RORC: variants seen among roughly 807,000 people sequenced by gnomAD.
RORC encodes the protein RAR related orphan receptor C.
A neutral mutation model predicts 64.5 loss-of-function variants in RORC; 13 were observed. The observed-to-expected ratio is 0.20, with a 90% CI of 0.13 to 0.32. The LOEUF is 0.32. RORC is among the 10% of genes least tolerant of loss of function. The probability of loss-of-function intolerance (pLI) is 1.00; values close to 1 mark genes in which losing one functional copy is unlikely to be tolerated. For missense variants in RORC, 468 were observed against 669.5 expected, an observed-to-expected ratio of 0.70 and a Z score of 3.32; for synonymous variants, 277 against 259.3, an observed-to-expected ratio of 1.07 and a Z score of -0.65.
At chr1:151,831,683 A>G (rs1274495579) in intron 1 of RORC, 42 bp downstream of exon 1, 7 of 1,609,852 alleles carry the variant, frequency 4.3e-6, no homozygotes, top group Admixed American at 1.7e-5. Context: ...CTGAACCTCC[A>G]GCAGTCTCTT....
Position 151,830,907 on chromosome 1 carries a change from G to A in RORC, c.40+818C>T. 1 of 1,280,566 alleles carries A rather than the reference G, an allele frequency of 7.8e-7. No individual in the cohort carries two copies. The highest frequency in any genetic ancestry group is 1.5e-5 in the African/African-American group (1 of 65,768). The allele number at this position is 1,280,566 out of a possible 1,614,324, so 79.3% of individuals were successfully genotyped here. On this transcript the variant is annotated intron_variant, in intron 1 of 10. Coordinates refer to ENST00000318247, the MANE Select transcript of RORC (RefSeq NM_005060.4). The surrounding 1 kb of genome is among the most constrained non-coding windows in gnomAD (Gnocchi z 4.0). Reference sequence around the variant, plus strand: ...TTGCACCTCAGAGCAGTCCTGTGGTGGGGGTGCTCCCCTTGCTCACCCAGG... The same window carrying A: ...TTGCACCTCAGAGCAGTCCTGTGGTAGGGGTGCTCCCCTTGCTCACCCAGG...
At position 151,813,542 on chromosome 1, in the gene RORC, G is replaced by T. The variant is rs778864243; in HGVS notation, c.1012C>A (p.Leu338Ile). ...TGGCAGAGCTCCATAAAGCCTGAGA[G>T]CCTCTTGGCGAACTCCACCACGTAC... The part of the protein sequence containing the change: ...IQYVVEFAKR[L>I]SGFMELCQND... The change falls in exon 7 of 11, where the codon CTC (leucine) becomes ATC (isoleucine). Residue 338 changes from leucine to isoleucine, a missense_variant. Physicochemically the swap from Leu to Ile is conservative, Grantham distance 5 (BLOSUM62 2). This residue lies in a region of RORC where 100 missense variants were observed against 190.8 expected (regional missense o/e 0.52). Coordinates refer to ENST00000318247, the MANE Select transcript of RORC (RefSeq NM_005060.4). 1 of 1,614,176 alleles carries T rather than the reference G, an allele frequency of 6.2e-7. No homozygotes were observed. The highest frequency in any genetic ancestry group is 1.1e-5 in the South Asian group (1 of 91,080).
chr1:151,826,784 G>T (rs1053809404), intron 2 of RORC, among the ~76,000 whole-genome samples: 2 of 152,120 alleles, frequency 1.3e-5, no homozygotes, highest in Admixed American at 1.3e-4. Flanking sequence ...TGTCAGAAAT[G>T]GTTCTCGATG....
chr1:151,817,073 C>G (rs374559639), intron 3 of RORC, 122 bp downstream of exon 3: 2 of 843,738 alleles, frequency 2.4e-6, no homozygotes. Context: ...GGAGTCAGAA[C>G]AAAGGCCATT....
chr1:151,815,110 C>T lies in RORC; in HGVS notation c.614G>A (p.Ser205Asn). 6.2e-7 allele frequency: 1 copy of T among 1,614,216 alleles called. No individual in the cohort carries two copies. Among genetic ancestry groups the T allele is most frequent in the South Asian group, 1.1e-5 (1 of 91,090 alleles). Residue 205 changes from serine (S) to asparagine (N), a missense_variant, in exon 5 of 11, where the codon AGC becomes AAC. This residue lies in a region of RORC where 241 missense variants were observed against 295.5 expected (regional missense o/e 0.82). Coordinates refer to ENST00000318247, the MANE Select transcript of RORC (RefSeq NM_005060.4). ...LNGASCHLEY[S>N]PERGKAEGRE... ...GCCCTCAGCCTTGCCCCGCTCAGGGCTGTATTCAAGGTGGCATGAGGCCCC... is the reference window on the plus strand; with the variant it reads ...GCCCTCAGCCTTGCCCCGCTCAGGGTTGTATTCAAGGTGGCATGAGGCCCC...
At chr1:151,822,318 G>GGA in intron 2 of RORC, among the ~76,000 whole-genome samples, 1 of 151,910 alleles carries the variant, frequency 6.6e-6, no homozygotes, top group African/African-American at 2.4e-5. Flanking sequence ...CTGGGTGGGG[G>GGA]CTGGGGGAGA....
chr1:151,827,366 G>C (rs1344302454), intron 2 of RORC, among the ~76,000 whole-genome samples: 1 of 152,162 alleles, frequency 6.6e-6, no homozygotes, highest in Non-Finnish European at 1.5e-5. Context: ...TCTCTCTGGA[G>C]TGTTTTTTGG....
At position 151,814,498 on chromosome 1, in the gene RORC, G is replaced by A. The variant is rs578107668; in HGVS notation, c.933+76C>T. On this transcript the variant is annotated intron_variant, in intron 6 of 10. Coordinates refer to ENST00000318247, the MANE Select transcript of RORC (RefSeq NM_005060.4). ...TCCCGCCCTGCCCCAGGACCCAGTC[G>A]TGCGCAGGTAGCCATCTCTGAACTC... 1.4e-5 allele frequency: 21 copies of A among 1,493,348 alleles called. No individual in the cohort carries two copies. The Middle Eastern group carries it at 1.1e-3, about 75-fold the overall frequency. 92.5% of individuals were successfully genotyped at this position (1,493,348 alleles called of 1,614,324 possible). A position where few individuals can be genotyped will look rare whatever the true frequency, so the allele number is the denominator to read the frequency against.
rs1213683561 is a variant in RORC at position 151,816,671 on chromosome 1, G to A, written c.291C>T (p.Ser97=). 1.2e-6 allele frequency: 2 copies of A among 1,604,740 alleles called. No individual in the cohort carries two copies. The highest frequency in any genetic ancestry group is 1.1e-5 in the South Asian group (1 of 89,064). The change falls in exon 4 of 11, where the codon TCC becomes TCT. Residue 97 remains serine, a synonymous_variant. Transcript: ENST00000318247. ...CTGTCGACTTGGCCTCACCATCTCG[G>A]GACATGCCCAGCGCCAGGCATTTCT... ...RLQKCLALGM[S]RDAVKFGRMS...
chr1:151,813,285 G>T lies in RORC; in HGVS notation c.1128C>A (p.Val376=). ...TGCCACCGTATTTGCCTTCAAAAAAGACCGTGCGGTTGTCAGCATTGTAGG... is the reference window on the plus strand; with the variant it reads ...TGCCACCGTATTTGCCTTCAAAAAATACCGTGCGGTTGTCAGCATTGTAGG... ...CRAYNADNRT[V]FFEGKYGGME... Residue 376 remains valine (V), a synonymous_variant, in exon 8 of 11, where the codon GTC becomes GTA. Transcript: ENST00000318247. The T allele has an allele frequency of 6.2e-7, 1 of 1,614,168 alleles. No homozygotes were observed. The highest frequency in any genetic ancestry group is 8.5e-7 in the Non-Finnish European group (1 of 1,180,026).
chr1:151,826,207 TG>T, intron 2 of RORC: 1 of 682,778 alleles, frequency 1.5e-6, no homozygotes, highest in Non-Finnish European at 2.0e-6. Context: ...AATCTGGGCC[TG>T]GGGCAGGGTG....
At chr1:151,821,833 C>T (rs1478439158) in intron 2 of RORC, among the ~76,000 whole-genome samples, 1 of 152,088 alleles carries the variant, frequency 6.6e-6, no homozygotes, top group African/African-American at 2.4e-5. Flanking sequence ...AGAGGAAACC[C>T]ACAGAACTAA....
At chr1:151,821,119 C>T (rs1246560112) in intron 2 of RORC, among the ~76,000 whole-genome samples, 5 of 152,212 alleles carry the variant, frequency 3.3e-5, no homozygotes, top group Admixed American at 6.5e-5. Context: ...CTCCTCTAAT[C>T]GAGCCTCTCA....
At chr1:151,818,006 G>C (rs1434072201) in intron 2 of RORC, among the ~76,000 whole-genome samples, 2 of 152,216 alleles carry the variant, frequency 1.3e-5, no homozygotes, top group Non-Finnish European at 2.9e-5. Flanking sequence ...TTTGTACAAA[G>C]GCATCTGTAT....
chr1:151,830,665 G>A lies in RORC; in HGVS notation c.40+1060C>T, dbSNP rs1238771417. Reference sequence around the variant, plus strand: ...ACACACACACACACACACACACAGTGCCCTTCTGCCCGGGAGATGCTCCCC... The same window carrying A: ...ACACACACACACACACACACACAGTACCCTTCTGCCCGGGAGATGCTCCCC... On this transcript the variant is annotated intron_variant, in intron 1 of 10. Transcript: ENST00000318247. The surrounding 1 kb of genome is among the most constrained non-coding windows in gnomAD (Gnocchi z 4.0). 5.5e-5 allele frequency among the ~76,000 whole-genome samples: 1 copy of A among 18,044 alleles called. No individual in the cohort carries two copies. The highest frequency in any genetic ancestry group is 5.1e-3 in the East Asian group (1 of 198). 11.8% of individuals were successfully genotyped at this position (18,044 alleles called of 152,430 possible).
At chr1:151,831,122 C>A in intron 1 of RORC, 1 of 1,284,104 alleles carries the variant, frequency 7.8e-7, no homozygotes, top group Non-Finnish European at 1.0e-6. Flanking sequence ...TGGCCCAGTG[C>A]CCCACATTCT....
chr1:151,829,609 TCTC>T (rs1652331376), intron 1 of RORC, 151 bp from the exon 2 acceptor site: 1 of 632,234 alleles, frequency 1.6e-6, no homozygotes, highest in East Asian at 3.2e-5. Context: ...AGTGCCCCTC[TCTC>T]CTCCTCTGCC....
chr1:151,815,412 G>C lies in RORC; in HGVS notation c.312C>G (p.Gly104=). ...TGTCCCTCTGCTTCTTGGACATGCG[G>C]CCGAACTTGACAGCTGAAAGAGGTC... The part of the protein sequence containing the change: ...LGMSRDAVKF[G]RMSKKQRDSL... Residue 104 remains glycine (G), a synonymous_variant, in exon 5 of 11, where the codon GGC becomes GGG. Transcript: ENST00000318247. 6.5e-7 allele frequency: 1 copy of C among 1,530,512 alleles called. No homozygotes were observed. The highest frequency in any genetic ancestry group is 8.8e-7 in the Non-Finnish European group (1 of 1,138,462). 94.8% of individuals were successfully genotyped at this position (1,530,512 alleles called of 1,614,324 possible).
chr1:151,817,703 T>C (rs1030207756), intron 2 of RORC, among the ~76,000 whole-genome samples: 7 of 152,130 alleles, frequency 4.6e-5, no homozygotes, highest in African/African-American at 1.7e-4. Flanking sequence ...GGGGCTCAGC[T>C]CCCATGGGCA....
Sources: gnomAD v4.1 joint callset for allele counts (sites outside exome capture counted in the v4.1 genomes callset) on GRCh38, gnomAD v4.1.1 for gene constraint, gnomAD v4.1.1 regional missense constraint, Gnocchi (gnomAD v3.1) non-coding constraint, MANE v1.5 for transcripts, NCBI Gene and HGNC (gene_info 2026-07-23, HGNC 2026-07-21) for gene names.